Variants in DIPK1C observed in about 807,000 individuals in gnomAD.
The protein encoded by DIPK1C is familial non-conventional Alzheimer's dementia.
In DIPK1C, 33 loss-of-function variants were observed where a neutral mutation model predicts 28.0. The observed-to-expected ratio is 1.18, with a 90% CI of 0.89 to 1.58. DIPK1C has a LOEUF of 1.58. DIPK1C is among the 40% of genes most tolerant of loss of function. The pLI is 0.00. For missense variants in DIPK1C, 569 were observed against 568.5 expected (o/e 1.00, Z -0.01); for synonymous variants, 255 against 248.8 (o/e 1.02, Z -0.23).
chr18:74,446,521 G>C, intron 2 of DIPK1C, 85 bp downstream of exon 2: 5 of 1,294,782 alleles, frequency 3.9e-6, no homozygotes, highest in African/African-American at 1.5e-5. Context: ...CTCAGGCCAG[G>C]AGCTCAGAAA....
At chr18:74,464,557 G>C in the DIPK1C span, among the ~76,000 whole-genome samples, 3 of 152,112 alleles carry the variant, frequency 2.0e-5, no homozygotes, top group Non-Finnish European at 4.4e-5. Flanking sequence ...TTCACATTAG[G>C]GTTCACTCTT....
At chr18:74,461,624 C>A (rs565778813), upstream of DIPK1C, among the ~76,000 whole-genome samples, 10 of 152,004 alleles carry the variant, frequency 6.6e-5, no homozygotes, top group Non-Finnish European at 1.3e-4. Context: ...CTGCCTCTGC[C>A]TCCCATAGTT....
chr18:74,451,329 C>T (rs1002871830), intron 1 of DIPK1C, among the ~76,000 whole-genome samples: 2 of 152,136 alleles, frequency 1.3e-5, no homozygotes, highest in South Asian at 2.1e-4. Flanking sequence ...TGTACTTACA[C>T]GCTTCCTACC....
intron 2 of DIPK1C, among the ~76,000 whole-genome samples, chr18:74,446,283 G>T (rs574235759): frequency 4.6e-5 from 7 of 152,288 alleles, no homozygotes; most frequent in Admixed American, 4.6e-4. Flanking sequence ...AAACAGGCCC[G>T]CAGGAGAGGT....
chr18:74,444,821 A>G (rs953746909), intron 2 of DIPK1C, among the ~76,000 whole-genome samples: 2 of 152,132 alleles, frequency 1.3e-5, no homozygotes, highest in African/African-American at 4.8e-5. Flanking sequence ...GACAAAACAC[A>G]GTCTGGGGCT....
rs758187443 is a variant in DIPK1C, at chr18:74,436,257, T to G, written c.*244A>C. 115 of 533,666 alleles carry G rather than the reference T, an allele frequency of 2.2e-4. No homozygotes were observed. The highest frequency in any genetic ancestry group is 3.5e-4 in the Non-Finnish European group (107 of 302,832). The allele number at this position is 533,666 out of a possible 1,614,324, so 33.1% of individuals were successfully genotyped here. A position where few individuals can be genotyped will look rare whatever the true frequency, so the allele number is the denominator to read the frequency against. ...GTTGGTGTCTTCTGACCGAGAGCCC[T>G]CCTGAAGGGAGGTCTGTACCTCCTC... On this transcript the variant is annotated 3_prime_UTR_variant, in exon 4 of 4. Transcript: ENST00000343998.
chr18:74,458,429 C>A (rs1361270212), upstream of DIPK1C, among the ~76,000 whole-genome samples: 1 of 152,134 alleles, frequency 6.6e-6, no homozygotes, highest in Non-Finnish European at 1.5e-5. Flanking sequence ...GATTGTCCCA[C>A]AGGAGCTGGC....
the DIPK1C span, among the ~76,000 whole-genome samples, chr18:74,463,713 A>G: frequency 6.6e-6 from 1 of 152,192 alleles, no homozygotes; most frequent in African/African-American, 2.4e-5. Flanking sequence ...CTCTCACACC[A>G]GGGTCCTTAG....
intron 1 of DIPK1C, among the ~76,000 whole-genome samples, chr18:74,451,021 C>T (rs1986385466): frequency 6.6e-6 from 1 of 152,178 alleles, no homozygotes; most frequent in African/African-American, 2.4e-5. Flanking sequence ...GTGGCTCGCT[C>T]AAAGCTAGCT....
chr18:74,437,175 A>G (rs530262076), intron 3 of DIPK1C, among the ~76,000 whole-genome samples: 2 of 152,320 alleles, frequency 1.3e-5, no homozygotes, highest in East Asian at 3.9e-4. Context: ...AGTGACAACA[A>G]TGACCATCTG....
intron 1 of DIPK1C, among the ~76,000 whole-genome samples, chr18:74,454,996 C>T (rs1287049821): frequency 6.6e-6 from 1 of 152,172 alleles, no homozygotes; most frequent in African/African-American, 2.4e-5. Context: ...GTCACATCGA[C>T]ACCTAGGGAG....
At chr18:74,450,074 A>G (rs1986365984) in intron 1 of DIPK1C, among the ~76,000 whole-genome samples, 2 of 152,022 alleles carry the variant, frequency 1.3e-5, no homozygotes, top group Admixed American at 6.6e-5. Flanking sequence ...AATGATAAGG[A>G]ACTGAGGCCA....
chr18:74,464,255 C>T, the DIPK1C span, among the ~76,000 whole-genome samples: 2 of 152,136 alleles, frequency 1.3e-5, no homozygotes, highest in Non-Finnish European at 2.9e-5. Context: ...TCCTGGGAGC[C>T]CTTAAATCCA....
Position 74,435,098 on chromosome 18 carries a change from C to T in DIPK1C, c.*1403G>A, listed in dbSNP as rs368619743. On this transcript the variant is annotated 3_prime_UTR_variant, in exon 4 of 4. Transcript: ENST00000343998. ...ACCCCAAAGTCTGGAAGAAGGCATT[C>T]CCGTTTCTCTGGTTTAGAAAGGGGC... The T allele has an allele frequency of 5.3e-5, 8 of 152,342 alleles. No homozygotes were observed. Among genetic ancestry groups the T allele is most frequent in the African/African-American group, 1.9e-4 (8 of 41,572 alleles). 9.4% of individuals were successfully genotyped at this position (152,342 alleles called of 1,614,324 possible).
chr18:74,458,919 A>G (rs1347516693), upstream of DIPK1C, among the ~76,000 whole-genome samples: 1 of 151,016 alleles, frequency 6.6e-6, no homozygotes, highest in African/African-American at 2.5e-5. Context: ...CTTGAGGCCA[A>G]CAGTTTGAAA....
chr18:74,461,728 T>C (rs1986621821), upstream of DIPK1C, among the ~76,000 whole-genome samples: 1 of 152,094 alleles, frequency 6.6e-6, no homozygotes. Context: ...GTCTTCAGAC[T>C]ACTGCTGGGT....
chr18:74,440,945 T>C (rs890267845), intron 3 of DIPK1C, among the ~76,000 whole-genome samples: 7 of 152,198 alleles, frequency 4.6e-5, no homozygotes, highest in Non-Finnish European at 7.3e-5. Flanking sequence ...TCAGTGATTC[T>C]TTGGCCCAGA....
chr18:74,457,044 A>T lies in DIPK1C; in HGVS notation c.198+18T>A. On this transcript the variant is annotated intron_variant, in intron 1 of 3. Transcript: ENST00000343998. ...TCCCCGGACGCGCGGCGCGGGGCAG[A>T]GCGGCGGCGGGACCTACCAGCGCGG... The T allele has an allele frequency of 7.0e-7, 1 of 1,429,072 alleles. No homozygotes were observed. Among genetic ancestry groups the T allele is most frequent in the South Asian group, 1.4e-5 (1 of 69,494 alleles). The allele number at this position is 1,429,072 out of a possible 1,614,324, so 88.5% of individuals were successfully genotyped here. A position where few individuals can be genotyped will look rare whatever the true frequency, so the allele number is the denominator to read the frequency against.
Position 74,436,690 on chromosome 18 carries a change from C to T in DIPK1C, c.1071G>A (p.Trp357Ter), listed in dbSNP as rs984432430. 1 of 1,613,336 alleles carries T rather than the reference C, an allele frequency of 6.2e-7. No individual in the cohort carries two copies. Among genetic ancestry groups the T allele is most frequent in the Non-Finnish European group, 8.5e-7 (1 of 1,179,814 alleles). The change falls in exon 4 of 4, where the codon TGG (tryptophan) becomes TGA (stop). Residue 357 changes from tryptophan to a stop codon, truncating the protein, a stop_gained. Transcript: ENST00000343998. LOFTEE classifies it low-confidence loss of function (END_TRUNC). ...CAGAGCTCTTGAGAGGCGCGGAAAA[C>T]CAATGGCGAAATATTTTGTCACAGA... ...QVICDKIFRH[W>*]FSAPLKSSAV...
Sources: allele counts gnomAD v4.1 joint callset (sites outside exome capture counted in the v4.1 genomes callset), GRCh38; gene constraint gnomAD v4.1.1; transcripts MANE v1.5; gene names NCBI Gene and HGNC (gene_info 2026-07-23, HGNC 2026-07-21).